ADGRV1: variants seen among roughly 807,000 people sequenced by gnomAD.
ADGRV1 encodes the protein adhesion G protein-coupled receptor V1.
Under a neutral mutation model 596.2 loss-of-function variants are expected in ADGRV1, and 359 were observed. That is an observed-to-expected ratio of 0.60 (90% CI 0.55 to 0.66). The LOEUF is 0.66. ADGRV1 is among the 30% of genes least tolerant of loss of function. ADGRV1 has a pLI of 0.00. For missense variants in ADGRV1, 7,274 were observed against 7,575.6 expected, an observed-to-expected ratio of 0.96 and a Z score of 1.48; for synonymous variants, 2,681 against 2,679.2, an observed-to-expected ratio of 1.00 and a Z score of -0.02.
At chr5:90,966,129 G>A (rs1778434976) in intron 84 of ADGRV1, among the ~76,000 whole-genome samples, 1 of 152,168 alleles carries the variant, frequency 6.6e-6, no homozygotes, top group Admixed American at 6.5e-5. Context: ...CCGGGTATCT[G>A]GTGGATAGTG....
chr5:90,777,841 A>C, intron 61 of ADGRV1, 64 bp from the exon 62 acceptor site: 1 of 1,405,138 alleles, frequency 7.1e-7, no homozygotes, highest in Non-Finnish European at 9.6e-7. Flanking sequence ...AAAGACAGAG[A>C]AAATGTTTAA....
chr5:90,930,228 T>C lies in ADGRV1; in HGVS notation c.17857-35187T>C, dbSNP rs148720522. Among the ~76,000 whole-genome samples, 12 of 152,346 alleles carry C rather than the reference T, an allele frequency of 7.9e-5. No individual in the cohort carries two copies. The East Asian group carries it at 9.6e-4, about 12-fold the overall frequency. On this transcript the variant is annotated intron_variant, in intron 83 of 89. Transcript: ENST00000405460. ...AGTGATAGAGTCAGATGTTCTACTT[T>C]CTTATTAGAAACATCGATGCCAATA...
At chr5:91,162,280 TG>T (rs556092667) in intron 89 of ADGRV1, among the ~76,000 whole-genome samples, 2 of 151,864 alleles carry the variant, frequency 1.3e-5, no homozygotes, top group Non-Finnish European at 2.9e-5. Flanking sequence ...CATAATCCAG[TG>T]GGGGGGTCAG....
chr5:90,683,173 G>C (rs1053381899), intron 27 of ADGRV1, among the ~76,000 whole-genome samples: 2 of 151,996 alleles, frequency 1.3e-5, no homozygotes, highest in Non-Finnish European at 2.9e-5. Flanking sequence ...TCAATTTATA[G>C]TTTCATGCAA....
intron 1 of ADGRV1, 148 bp from the exon 2 acceptor site, chr5:90,614,687 G>T: frequency 1.4e-6 from 1 of 702,740 alleles, no homozygotes; most frequent in South Asian, 1.5e-5. Context: ...TCACATATTT[G>T]AGTTTGATGG....
At chr5:91,102,856 A>T (rs73189003) in intron 87 of ADGRV1, among the ~76,000 whole-genome samples, 2 of 152,194 alleles carry the variant, frequency 1.3e-5, no homozygotes, top group African/African-American at 4.8e-5. Flanking sequence ...GCATGCTTGG[A>T]TAACTAGAAA....
intron 85 of ADGRV1, among the ~76,000 whole-genome samples, chr5:91,052,528 G>A (rs928713181): frequency 5.3e-5 from 8 of 151,128 alleles, no homozygotes; most frequent in African/African-American, 1.7e-4. Flanking sequence ...TCCACCTCCC[G>A]GGCTCAAATG....
Position 91,123,445 on chromosome 5 carries a change from G to A in ADGRV1, c.18432+21105G>A, listed in dbSNP as rs6866036. On this transcript the variant is annotated intron_variant, in intron 87 of 89. Transcript: ENST00000405460. ...CTCTGTGTCCTCACATGGCAGAAGA[G>A]CAAAGGGAAAAGGGGGCTAACAAGC... Among the ~76,000 whole-genome samples, 943 of 152,250 alleles carry A rather than the reference G, an allele frequency of 6.2e-3. 10 individuals are homozygous for A. The highest frequency in any genetic ancestry group is 0.022 in the African/African-American group (907 of 41,540).
intron 83 of ADGRV1, among the ~76,000 whole-genome samples, chr5:90,939,407 T>G (rs573664160): frequency 6.6e-6 from 1 of 152,326 alleles, no homozygotes; most frequent in South Asian, 2.1e-4. Flanking sequence ...TTTGAGTTCA[T>G]TATTCAAATA....
intron 84 of ADGRV1, among the ~76,000 whole-genome samples, chr5:90,972,128 G>T (rs1443260395): frequency 1.3e-5 from 2 of 152,270 alleles, no homozygotes; most frequent in African/African-American, 4.8e-5. Context: ...ATGGTAAAGG[G>T]ATCAATTCAA....
At chr5:90,945,583 T>A (rs991937954) in intron 83 of ADGRV1, among the ~76,000 whole-genome samples, 1 of 152,040 alleles carries the variant, frequency 6.6e-6, no homozygotes, top group African/African-American at 2.4e-5. Flanking sequence ...GGGTACTAGA[T>A]GAGAAAGGGA....
chr5:90,838,569 A>G (rs1157620618), intron 77 of ADGRV1, among the ~76,000 whole-genome samples: 1 of 152,154 alleles, frequency 6.6e-6, no homozygotes, highest in African/African-American at 2.4e-5. Context: ...TTGAATGTCT[A>G]AGAGGCATCT....
intron 84 of ADGRV1, among the ~76,000 whole-genome samples, chr5:90,984,647 T>C (rs1313676112): frequency 6.6e-6 from 1 of 152,194 alleles, no homozygotes; most frequent in Admixed American, 6.5e-5. Context: ...AGAAAGTAAA[T>C]ACCACCCCAT....
intron 73 of ADGRV1, 103 bp from the exon 74 acceptor site, chr5:90,810,130 T>TCATGAGG (rs1762301123): frequency 1.1e-6 from 1 of 910,040 alleles, no homozygotes; most frequent in African/African-American, 1.7e-5. Context: ...GTTAAGTTGC[T>TCATGAGG]GCCCTCATGA....
At chr5:90,620,015 G>C (rs530197687) in intron 4 of ADGRV1, among the ~76,000 whole-genome samples, 1 of 151,980 alleles carries the variant, frequency 6.6e-6, no homozygotes, top group Admixed American at 6.6e-5. Flanking sequence ...GGACATTTGG[G>C]TTGGTTCCAA....
At chr5:90,806,469 T>A (rs915149852) in intron 72 of ADGRV1, among the ~76,000 whole-genome samples, 1 of 152,198 alleles carries the variant, frequency 6.6e-6, no homozygotes, top group African/African-American at 2.4e-5. Flanking sequence ...TAGCCCTTTT[T>A]TTCCTGCAGA....
At chr5:90,853,592 A>G in intron 80 of ADGRV1, 59 bp downstream of exon 80, 1 of 1,510,062 alleles carries the variant, frequency 6.6e-7, no homozygotes, top group Admixed American at 1.9e-5. Context: ...TTTAGCAGGC[A>G]CACTTGGAAT....
chr5:90,630,237 GA>G (rs1765325500), intron 9 of ADGRV1: 2 of 152,130 alleles, frequency 1.3e-5, no homozygotes, highest in South Asian at 4.1e-4. Flanking sequence ...GACCTCAGAT[GA>G]TCCATGCGCC....
At position 90,779,027 on chromosome 5, in the gene ADGRV1, C is replaced by T. The variant is rs781503534; in HGVS notation, c.13012C>T (p.Leu4338Phe). 1.6e-5 allele frequency: 26 copies of T among 1,613,162 alleles called. No homozygotes were observed. The highest frequency in any genetic ancestry group is 6.6e-5 in the South Asian group (6 of 91,070). ...EMRKSLHVEI[L>F]DDDYPEGPEE... Reference sequence around the variant, plus strand: ...GAGGAAAAGTCTGCATGTTGAAATCCTTGATGATGACTATCCTGAAGGCCC... The same window carrying T: ...GAGGAAAAGTCTGCATGTTGAAATCTTTGATGATGACTATCCTGAAGGCCC... The change falls in exon 64 of 90, where the codon CTT (leucine) becomes TTT (phenylalanine). Residue 4338 changes from leucine (L) to phenylalanine (F), a missense_variant. Around this residue, in one of 5 missense-constraint regions of ADGRV1, gnomAD observed 3,643 missense variants for 3,809.2 expected, o/e 0.96. Coordinates refer to ENST00000405460, the MANE Select transcript of ADGRV1 (RefSeq NM_032119.4).
Sources: gnomAD v4.1 joint callset for allele counts (sites outside exome capture counted in the v4.1 genomes callset) on GRCh38, gnomAD v4.1.1 for gene constraint, gnomAD v4.1.1 regional missense constraint, MANE v1.5 for transcripts, NCBI Gene and HGNC (gene_info 2026-07-23, HGNC 2026-07-21) for gene names.